Variants in RNF150 observed in about 807,000 individuals in gnomAD.
RNF150 encodes the protein ring finger protein 150.
RNF150 carries 24 observed loss-of-function variants against 39.3 expected under a neutral mutation model. The ratio of observed to expected loss-of-function variants is 0.61; its 90% CI spans 0.44 to 0.86. RNF150 has a LOEUF of 0.86. Ranked by LOEUF, RNF150 falls within the 40% of genes least tolerant of loss-of-function variation. RNF150 has a pLI of 0.00. For missense variants in RNF150, 502 were observed against 587.8 expected, an observed-to-expected ratio of 0.85 and a Z score of 1.51; for synonymous variants, 255 against 227.3, an observed-to-expected ratio of 1.12 and a Z score of -1.10.
At chr4:141,063,910 G>C (rs1578685647) in intron 1 of RNF150, among the ~76,000 whole-genome samples, 1 of 148,110 alleles carries the variant, frequency 6.8e-6, no homozygotes, top group East Asian at 2.0e-4. Flanking sequence ...CTTTATTCTA[G>C]CCAAAGGTTT....
chr4:141,071,614 C>T (rs1038073662), intron 1 of RNF150, among the ~76,000 whole-genome samples: 7 of 152,124 alleles, frequency 4.6e-5, no homozygotes, highest in African/African-American at 1.2e-4. Context: ...AATCTAAATA[C>T]GTGGTTTCTG....
chr4:141,194,720 G>A (rs1728169683), intron 1 of RNF150, among the ~76,000 whole-genome samples: 1 of 152,050 alleles, frequency 6.6e-6, no homozygotes, highest in Non-Finnish European at 1.5e-5. Flanking sequence ...GAAAGAACTG[G>A]CATATAAATA....
At chr4:140,958,660 T>C (rs1384673557) in intron 2 of RNF150, among the ~76,000 whole-genome samples, 1 of 152,150 alleles carries the variant, frequency 6.6e-6, no homozygotes, top group Non-Finnish European at 1.5e-5. Context: ...CCAGTTCCCA[T>C]GACTGTGGTT....
At chr4:141,099,794 A>T (rs1051114974) in intron 1 of RNF150, among the ~76,000 whole-genome samples, 14 of 150,618 alleles carry the variant, frequency 9.3e-5, no homozygotes, top group African/African-American at 2.9e-4. Context: ...TATATATATA[A>T]AAAAAAAACC....
intron 3 of RNF150, 121 bp downstream of exon 3, chr4:140,949,180 A>ATAT: frequency 1.5e-6 from 1 of 647,668 alleles, no homozygotes; most frequent in African/African-American, 1.8e-5. Context: ...AGATACTGAT[A>ATAT]GGACAACTGT....
chr4:141,050,781 T>C (rs183277322), intron 1 of RNF150, among the ~76,000 whole-genome samples: 2 of 152,338 alleles, frequency 1.3e-5, no homozygotes, highest in East Asian at 3.9e-4. Context: ...TGAGTGTTTA[T>C]GGCTTTTCCA....
intron 1 of RNF150, among the ~76,000 whole-genome samples, chr4:141,208,998 T>A (rs2111227888): frequency 6.6e-6 from 1 of 152,264 alleles, no homozygotes; most frequent in South Asian, 2.1e-4. Flanking sequence ...TAAGTTTGAA[T>A]AATTAACTGG....
At chr4:141,056,294 C>T (rs954016675) in intron 1 of RNF150, among the ~76,000 whole-genome samples, 4 of 152,082 alleles carry the variant, frequency 2.6e-5, no homozygotes, top group South Asian at 2.1e-4. Context: ...CTAGCCCTTT[C>T]GGAGGCTGAG....
chr4:140,928,737 G>A lies in RNF150; in HGVS notation c.891-2664C>T, dbSNP rs530510855. ...ATTTTTTTGTATTTTTAGTAGAGAC[G>A]GGGTTTCACTGTGTTAGCCAGGATG... On this transcript the variant is annotated intron_variant, in intron 4 of 6. Coordinates refer to ENST00000515673, the MANE Select transcript of RNF150 (RefSeq NM_020724.2). Among the ~76,000 whole-genome samples the A allele has an allele frequency of 1.6e-4, 25 of 152,122 alleles. No individual in the cohort carries two copies. In the South Asian group the frequency reaches 4.8e-3, roughly 29 times the overall value.
intron 5 of RNF150, among the ~76,000 whole-genome samples, chr4:140,923,132 A>C (rs1731229588): frequency 6.6e-6 from 1 of 151,796 alleles, no homozygotes; most frequent in Admixed American, 6.6e-5. Flanking sequence ...GATCTAATTA[A>C]ACTAAGGACC....
chr4:140,925,585 C>T lies in RNF150; in HGVS notation c.987+392G>A, dbSNP rs1731363808. ...CTCTGAAAGCCAGGTGATCGTGGGGCAAAGTGTGGCTTACGGATCTTCCTG... is the reference window on the plus strand; with the variant it reads ...CTCTGAAAGCCAGGTGATCGTGGGGTAAAGTGTGGCTTACGGATCTTCCTG... On this transcript the variant is annotated intron_variant, in intron 5 of 6. Coordinates refer to ENST00000515673, the MANE Select transcript of RNF150 (RefSeq NM_020724.2). Among the ~76,000 whole-genome samples the T allele has an allele frequency of 2.0e-5, 3 of 152,216 alleles. No homozygotes were observed. In the South Asian group the frequency reaches 6.2e-4, roughly 32 times the overall value.
intron 6 of RNF150, among the ~76,000 whole-genome samples, chr4:140,885,034 A>G (rs1190976885): frequency 6.6e-6 from 1 of 152,120 alleles, no homozygotes; most frequent in Non-Finnish European, 1.5e-5. Flanking sequence ...CACATTTCTT[A>G]AGTCCGTTGG....
At chr4:141,136,390 C>T (rs1442337193), upstream of RNF150, among the ~76,000 whole-genome samples, 1 of 152,098 alleles carries the variant, frequency 6.6e-6, no homozygotes, top group Non-Finnish European at 1.5e-5. Context: ...TATTGGTTTC[C>T]ACTAGCTACA....
chr4:141,107,823 A>ATATATTTATATT (rs55949557), intron 1 of RNF150, among the ~76,000 whole-genome samples: 116,841 of 152,006 alleles, frequency 0.77, 45,951 homozygotes, highest in East Asian at 0.88. Context: ...ATCCTATTTG[A>ATATATTTATATT]ATGGCCTCAT....
chr4:140,901,130 G>C (rs969060715), intron 6 of RNF150, among the ~76,000 whole-genome samples: 1 of 152,318 alleles, frequency 6.6e-6, no homozygotes, highest in South Asian at 2.1e-4. Flanking sequence ...TAAGTCTTCA[G>C]TGGTTTCTGG....
At chr4:141,058,635 C>T (rs931597557) in intron 1 of RNF150, among the ~76,000 whole-genome samples, 7 of 152,126 alleles carry the variant, frequency 4.6e-5, no homozygotes, top group Admixed American at 6.5e-5. Context: ...AATTATTATA[C>T]TGTCCTACCC....
chr4:140,885,331 G>A (rs1226904362), intron 6 of RNF150, among the ~76,000 whole-genome samples: 1 of 146,394 alleles, frequency 6.8e-6, no homozygotes, highest in Non-Finnish European at 1.5e-5. Flanking sequence ...CTCCCAAGTG[G>A]CTGGGATTAC....
chr4:140,977,482 A>G (rs950817710), intron 1 of RNF150, among the ~76,000 whole-genome samples: 2 of 152,164 alleles, frequency 1.3e-5, no homozygotes, highest in African/African-American at 2.4e-5. Flanking sequence ...AGCCATAAAT[A>G]ACCTGATGAC....
intron 2 of RNF150, among the ~76,000 whole-genome samples, chr4:140,962,426 T>G (rs1322199443): frequency 6.6e-6 from 1 of 151,622 alleles, no homozygotes; most frequent in Admixed American, 6.6e-5. Context: ...TATATATATA[T>G]TTCTTCATAT....
Sources: gnomAD v4.1 joint callset for allele counts (sites outside exome capture counted in the v4.1 genomes callset) on GRCh38, gnomAD v4.1.1 for gene constraint, MANE v1.5 for transcripts, NCBI Gene and HGNC (gene_info 2026-07-23, HGNC 2026-07-21) for gene names.